Variants in PNLDC1 observed in about 807,000 individuals in gnomAD.
The protein encoded by PNLDC1 is poly(A)-specific ribonuclease PNLDC1.
A neutral mutation model predicts 82.0 loss-of-function variants in PNLDC1; 70 were observed. The ratio of observed to expected loss-of-function variants is 0.85; its 90% CI spans 0.70 to 1.04. The LOEUF is 1.04. PNLDC1 is among the 50% of genes least tolerant of loss of function. The probability of loss-of-function intolerance (pLI) is 0.00; values close to 1 mark genes in which losing one functional copy is unlikely to be tolerated. For synonymous variants in PNLDC1, 280 were observed against 249.3 expected, an observed-to-expected ratio of 1.12 and a Z score of -1.16; for missense variants, 631 against 661.1, an observed-to-expected ratio of 0.95 and a Z score of 0.50.
chr6:159,803,510 C>T (rs934809704), intron 4 of PNLDC1, 200 bp downstream of exon 4: 9 of 604,960 alleles, frequency 1.5e-5, no homozygotes, highest in African/African-American at 5.6e-5. Flanking sequence ...GTACCTTTCC[C>T]GCCAGCCTTG....
chr6:159,820,354 T>C, intron 18 of PNLDC1, 100 bp from the exon 19 acceptor site: 2 of 1,122,770 alleles, frequency 1.8e-6, no homozygotes, highest in Admixed American at 3.5e-5. Context: ...AGAAAGAACA[T>C]CTGAGTGCAC....
rs79924728 is a variant in PNLDC1 at position 159,805,502 on chromosome 6, A to G, written c.462-481A>G. The G allele has an allele frequency of 7.7e-3, 1,185 of 153,284 alleles. 12 individuals carry two copies. Among genetic ancestry groups the G allele is most frequent in the African/African-American group, 0.026 (1,083 of 41,576 alleles). 9.5% of individuals were successfully genotyped at this position (153,284 alleles called of 1,614,324 possible). A position where few individuals can be genotyped will look rare whatever the true frequency, so the allele number is the denominator to read the frequency against. On this transcript the variant is annotated intron_variant, in intron 6 of 18. Transcript: ENST00000392167. ...TGTAGCTTTTTGTAAGGGAAAAACA[A>G]GTTGAATTTTTAACCTTCTTTCATT...
chr6:159,804,150 T>C lies in PNLDC1; in HGVS notation c.372+62T>C, dbSNP rs940726403. 3.8e-6 allele frequency: 6 copies of C among 1,579,706 alleles called. No homozygotes were observed. In the African/African-American group the frequency reaches 8.1e-5, roughly 21 times the overall value. On this transcript the variant is annotated intron_variant, in intron 5 of 18. Coordinates refer to ENST00000392167, the MANE Select transcript of PNLDC1 (RefSeq NM_001271862.2). ...GTTTGTTTCTGAGATGGAGTCTCGC[T>C]CTGTTGCCCAGGCTGGAGTGCAGTG...
intron 7 of PNLDC1, among the ~76,000 whole-genome samples, chr6:159,807,653 A>G (rs1781496539): frequency 6.6e-6 from 1 of 152,252 alleles, no homozygotes; most frequent in South Asian, 2.1e-4. Flanking sequence ...CCAGATTACT[A>G]GCACATAATG....
Position 159,816,556 on chromosome 6 carries a change from C to A in PNLDC1, c.1074C>A (p.Cys358Ter). 1 of 1,613,584 alleles carries A rather than the reference C, an allele frequency of 6.2e-7. No homozygotes were observed. Among genetic ancestry groups the A allele is most frequent in the Non-Finnish European group, 8.5e-7 (1 of 1,179,802 alleles). ...AAAATGCCTCAGTTGAGACAAAGTG[C>A]CCCCACGAAGCCGCGTATGATGCCT... ...SRCEKYVETK[C>*]PHEAAYDAFL... The change falls in exon 14 of 19, where the codon TGC (cysteine) becomes TGA (stop). Residue 358 changes from cysteine (C) to a stop codon, truncating the protein, a stop_gained. Coordinates refer to ENST00000392167, the MANE Select transcript of PNLDC1 (RefSeq NM_001271862.2). LOFTEE classifies it high-confidence loss of function.
chr6:159,816,650 GAGAC>G (rs2115058542), intron 14 of PNLDC1, 54 bp downstream of exon 14: 1 of 1,315,218 alleles, frequency 7.6e-7, no homozygotes, highest in Admixed American at 1.7e-5. Flanking sequence ...TTTTTTTTCT[GAGAC>G]AGGGTCTCAC....
At chr6:159,801,253 G>A in intron 3 of PNLDC1, 67 bp downstream of exon 3, 1 of 1,411,112 alleles carries the variant, frequency 7.1e-7, no homozygotes. Flanking sequence ...ATTTCCTACT[G>A]TAAAAACAGC....
chr6:159,808,461 A>C (rs1781526568), intron 7 of PNLDC1, among the ~76,000 whole-genome samples: 1 of 152,058 alleles, frequency 6.6e-6, no homozygotes, highest in East Asian at 1.9e-4. Flanking sequence ...AACATGTTTA[A>C]TATCAATAGC....
intron 9 of PNLDC1, among the ~76,000 whole-genome samples, chr6:159,809,812 C>T (rs572922469): frequency 1.4e-4 from 22 of 152,262 alleles, no homozygotes; most frequent in Non-Finnish European, 2.6e-4. Context: ...GCCTTACGTG[C>T]CTCCTACTTG....
chr6:159,816,502 G>T, intron 13 of PNLDC1, 41 bp from the exon 14 acceptor site: 1 of 1,600,238 alleles, frequency 6.2e-7, no homozygotes, highest in South Asian at 1.1e-5. Context: ...TGTTTCTAAT[G>T]ACTGCTCAAT....
chr6:159,803,258 G>C lies in PNLDC1; in HGVS notation c.209-13G>C, dbSNP rs941947516. On this transcript the variant is annotated splice_polypyrimidine_tract_variant and intron_variant, in intron 3 of 18. Transcript: ENST00000392167. Reference sequence around the variant, plus strand: ...TTCCTTGGCATTCATTCCCTCTACGGTCATTCTTCCAGGATTGTCTGTGTT... The same window carrying C: ...TTCCTTGGCATTCATTCCCTCTACGCTCATTCTTCCAGGATTGTCTGTGTT... 3.1e-6 allele frequency: 5 copies of C among 1,613,698 alleles called. No individual in the cohort carries two copies. In the African/African-American group the frequency reaches 6.7e-5, roughly 22 times the overall value.
In PNLDC1 at chr6:159,806,225, C is replaced by T. The variant is rs148141872; in HGVS notation, c.562+142C>T. ...GAGTCTGATGCAAGCATTTGTTTGG[C>T]GGTTACGGAGTCTTTGTGGTTAAAG... On this transcript the variant is annotated intron_variant, in intron 7 of 18. Transcript: ENST00000392167. The T allele has an allele frequency of 2.7e-3, 1,803 of 673,154 alleles. 7 individuals carry two copies. The highest frequency in any genetic ancestry group is 3.2e-3 in the Non-Finnish European group (1,210 of 375,250). 41.7% of individuals were successfully genotyped at this position (673,154 alleles called of 1,614,324 possible).
chr6:159,801,085 G>A (rs371913068), intron 2 of PNLDC1, 28 bp from the exon 3 acceptor site: 168 of 1,612,478 alleles, frequency 1.0e-4, no homozygotes, highest in Middle Eastern at 6.6e-4. Context: ...GTCATTGCTC[G>A]TGGAATGAGA....
At chr6:159,812,498 T>G (rs1781677822) in intron 11 of PNLDC1, among the ~76,000 whole-genome samples, 1 of 152,154 alleles carries the variant, frequency 6.6e-6, no homozygotes, top group African/African-American at 2.4e-5. Flanking sequence ...TGAGAAAACC[T>G]CTTCTTCATT....
At position 159,809,049 on chromosome 6, in the gene PNLDC1, G is replaced by C; in HGVS notation, c.674G>C (p.Trp225Ser). 6.2e-7 allele frequency: 1 copy of C among 1,613,636 alleles called. No homozygotes were observed. Among genetic ancestry groups the C allele is most frequent in the Non-Finnish European group, 8.5e-7 (1 of 1,179,920 alleles). The change falls in exon 9 of 19, where the codon TGG becomes TCG. Residue 225 changes from tryptophan to serine, a missense_variant. Transcript: ENST00000392167. ...VVKKVSKQHR[W>S]YLQNTSCDRE... ...AAGAAAGTGAGTAAACAACATCGTTGGTATCTTCAGAACACCTCTTGTGAC... is the reference window on the plus strand; with the variant it reads ...AAGAAAGTGAGTAAACAACATCGTTCGTATCTTCAGAACACCTCTTGTGAC...
chr6:159,820,634 A>C lies in PNLDC1; in HGVS notation c.*117A>C. 1 of 964,836 alleles carries C rather than the reference A, an allele frequency of 1.0e-6. No individual in the cohort carries two copies. Among genetic ancestry groups the C allele is most frequent in the Admixed American group, 1.8e-5 (1 of 55,346 alleles). 59.8% of individuals were successfully genotyped at this position (964,836 alleles called of 1,614,324 possible). On this transcript the variant is annotated 3_prime_UTR_variant, in exon 19 of 19. Coordinates refer to ENST00000392167, the MANE Select transcript of PNLDC1 (RefSeq NM_001271862.2). ...GATGGATCTGTTTGGTCTTTTCTAG[A>C]AATTCTGTTATGTCCTGAACGTGAA...
Position 159,819,243 on chromosome 6 carries a change from T to C in PNLDC1, c.1434-11T>C. The stretch of plus-strand genomic sequence containing the variant: ...GCTGCCTGGCTGACCACAGCAAACT[T>C]GTTTTGGCAGTGCGCGGAACATCCT... On this transcript the variant is annotated splice_polypyrimidine_tract_variant and intron_variant, in intron 17 of 18. Coordinates refer to ENST00000392167, the MANE Select transcript of PNLDC1 (RefSeq NM_001271862.2). This position sits in a 1 kb window ranked among gnomAD's most constrained non-coding sequence, Gnocchi z 4.6. The C allele has an allele frequency of 6.2e-7, 1 of 1,613,644 alleles. No individual in the cohort carries two copies. Among genetic ancestry groups the C allele is most frequent in the Non-Finnish European group, 8.5e-7 (1 of 1,179,944 alleles).
chr6:159,819,088 GCCAGTTCTTACT>G lies in PNLDC1; in HGVS notation c.1403_1414del (p.Gln468_Leu471del). On this transcript the variant is annotated inframe_deletion, in exon 17 of 19. Transcript: ENST00000392167. The surrounding 1 kb of genome is among the most constrained non-coding windows in gnomAD (Gnocchi z 4.6). ...TTTGATGTCAGGCGACTCACAAGAA[GCCAGTTCTTACT>G]CCTGACCAATAAGTTTAAGGAGTAG... is the stretch of plus-strand genomic sequence containing the variant. 2.5e-6 allele frequency: 4 copies of G among 1,614,022 alleles called. No individual in the cohort carries two copies. Among genetic ancestry groups the G allele is most frequent in the Non-Finnish European group, 3.4e-6 (4 of 1,180,012 alleles).
rs1781193832 is a variant in PNLDC1 at position 159,800,350 on chromosome 6, C to T, written c.43C>T (p.Leu15=). 10 of 1,547,584 alleles carry T rather than the reference C, an allele frequency of 6.5e-6. No individual in the cohort carries two copies. The highest frequency in any genetic ancestry group is 8.7e-6 in the Non-Finnish European group (10 of 1,146,260). ...CGAGTTCGAGGAGAGCCTCCCTCTG[C>T]TGCAGGAGCTCGTCCAGGAGGCCGA... ...ADEFEESLPL[L]QELVQEADFV... Residue 15 remains leucine (L), a synonymous_variant, in exon 1 of 19, where the codon CTG becomes TTG. Transcript: ENST00000392167.
Sources: gnomAD v4.1 joint callset for allele counts (sites outside exome capture counted in the v4.1 genomes callset) on GRCh38, gnomAD v4.1.1 for gene constraint, Gnocchi (gnomAD v3.1) non-coding constraint, MANE v1.5 for transcripts, NCBI Gene and HGNC (gene_info 2026-07-23, HGNC 2026-07-21) for gene names.